Variants in MROH9 observed in about 807,000 individuals in gnomAD.
The protein encoded by MROH9 is maestro heat-like repeat-containing protein family member 9.
Under a neutral mutation model 98.2 loss-of-function variants are expected in MROH9, and 92 were observed. The ratio of observed to expected loss-of-function variants is 0.94; its 90% confidence interval spans 0.79 to 1.11. MROH9 has a LOEUF of 1.11. Ranked by LOEUF, MROH9 falls within the 50% of genes most tolerant of loss-of-function variation. MROH9 has a pLI of 0.00. For missense variants in MROH9, 1,057 were observed against 1,014.8 expected, an observed-to-expected ratio of 1.04 and a Z score of -0.57; for synonymous variants, 397 against 368.9, an observed-to-expected ratio of 1.08 and a Z score of -0.87.
chr1:171,004,610 T>C (rs1229211985), intron 15 of MROH9, among the ~76,000 whole-genome samples: 1 of 152,210 alleles, frequency 6.6e-6, no homozygotes, highest in East Asian at 1.9e-4. Context: ...TGGGGGTATC[T>C]TCCGGGTCCT....
intron 15 of MROH9, among the ~76,000 whole-genome samples, chr1:171,005,274 T>C (rs534975415): frequency 2.0e-5 from 3 of 152,256 alleles, no homozygotes; most frequent in South Asian, 2.1e-4. Flanking sequence ...TTTCACAATG[T>C]TACCCAGGTT....
chr1:170,941,555 G>A (rs1393492522), intron 1 of MROH9, among the ~76,000 whole-genome samples: 12 of 152,126 alleles, frequency 7.9e-5, no homozygotes. Context: ...AGACTATTTT[G>A]ACTGCTGCTT....
At chr1:170,943,632 T>G (rs1320967417) in intron 1 of MROH9, among the ~76,000 whole-genome samples, 3 of 151,748 alleles carry the variant, frequency 2.0e-5, no homozygotes, top group Non-Finnish European at 2.9e-5. Context: ...GAGAAAAAGG[T>G]TCATTTGATC....
intron 20 of MROH9, among the ~76,000 whole-genome samples, chr1:171,030,845 A>G (rs1652882392): frequency 2.0e-5 from 3 of 152,134 alleles, no homozygotes; most frequent in Non-Finnish European, 4.4e-5. Flanking sequence ...TATCTTTATT[A>G]ATTTTCTGTC....
intron 20 of MROH9, among the ~76,000 whole-genome samples, chr1:171,060,338 G>A (rs1046453691): frequency 5.9e-5 from 9 of 152,144 alleles, no homozygotes; most frequent in African/African-American, 1.9e-4. Context: ...TAAATATTAT[G>A]ATGATGTCAG....
intron 1 of MROH9, among the ~76,000 whole-genome samples, chr1:170,940,565 T>C (rs571739318): frequency 1.6e-4 from 24 of 152,302 alleles, no homozygotes; most frequent in African/African-American, 5.1e-4. Context: ...AAAAAGTATT[T>C]GCCAGAATAA....
chr1:171,023,540 T>C (rs1195662437), intron 17 of MROH9, among the ~76,000 whole-genome samples: 1 of 152,186 alleles, frequency 6.6e-6, no homozygotes, highest in Non-Finnish European at 1.5e-5. Context: ...AGAAACTCAT[T>C]TTTCACAGTT....
chr1:170,993,929 C>T (rs1460513893), intron 12 of MROH9, among the ~76,000 whole-genome samples: 1 of 151,972 alleles, frequency 6.6e-6, no homozygotes, highest in Non-Finnish European at 1.5e-5. Context: ...ATTATTTTCT[C>T]CAATTTGCTA....
chr1:170,978,225 T>C (rs1016079075), intron 8 of MROH9, among the ~76,000 whole-genome samples: 4 of 152,124 alleles, frequency 2.6e-5, no homozygotes, highest in Non-Finnish European at 5.9e-5. Flanking sequence ...TCAAAGGCTC[T>C]CCAGGTGGAA....
At chr1:170,981,613 G>T (rs113249684) in intron 8 of MROH9, among the ~76,000 whole-genome samples, 21 of 151,920 alleles carry the variant, frequency 1.4e-4, no homozygotes, top group African/African-American at 4.1e-4. Context: ...TGTTGGAGGT[G>T]GGGGGTGCGG....
chr1:171,022,072 G>T (rs1054788344), intron 17 of MROH9, among the ~76,000 whole-genome samples: 1 of 152,176 alleles, frequency 6.6e-6, no homozygotes, highest in Non-Finnish European at 1.5e-5. Context: ...AGTCAGAATG[G>T]TGATTATTAA....
Position 170,996,517 on chromosome 1 carries a change from G to A in MROH9, c.1348G>A (p.Asp450Asn), listed in dbSNP as rs1557890612. The A allele has an allele frequency of 7.4e-6, 12 of 1,613,264 alleles. No individual in the cohort carries two copies. Among genetic ancestry groups the A allele is most frequent in the Non-Finnish European group, 1.0e-5 (12 of 1,179,520 alleles). ...CTTTTGGGGCTTTAGGTATGCCCAG[G>A]ATGCCCTGAGAGTTCTGCTGAATTG... ...ILKDRALYAQ[D>N]ALRVLLNCSG... is the part of the protein sequence containing the mutation. Residue 450 changes from aspartate (D) to asparagine (N), a missense_variant, in exon 14 of 22, where the codon GAT becomes AAT. Physicochemically the swap from Asp to Asn is conservative, Grantham distance 23 (BLOSUM62 1). Coordinates refer to ENST00000367759, the MANE Select transcript of MROH9 (RefSeq NM_001163629.2).
chr1:171,033,829 G>T (rs1184840015), intron 20 of MROH9, among the ~76,000 whole-genome samples: 1 of 151,898 alleles, frequency 6.6e-6, no homozygotes, highest in East Asian at 1.9e-4. Context: ...TATCCCTGAA[G>T]AAGAGAAATG....
At chr1:171,009,941 A>T (rs1037369782) in intron 15 of MROH9, among the ~76,000 whole-genome samples, 3 of 151,960 alleles carry the variant, frequency 2.0e-5, no homozygotes, top group Non-Finnish European at 4.4e-5. Flanking sequence ...TTGTAACATT[A>T]TTTTTTTTCC....
chr1:171,012,711 T>A (rs185690251), intron 15 of MROH9, among the ~76,000 whole-genome samples: 1 of 151,930 alleles, frequency 6.6e-6, no homozygotes. Context: ...CACCATGTTA[T>A]CCAGGATGGT....
intron 3 of MROH9, among the ~76,000 whole-genome samples, chr1:170,951,130 C>T (rs1649538890): frequency 6.6e-6 from 1 of 152,000 alleles, no homozygotes; most frequent in South Asian, 2.1e-4. Flanking sequence ...TAGATGTATA[C>T]ACTGTTAGAG....
intron 20 of MROH9, among the ~76,000 whole-genome samples, chr1:171,061,302 A>T (rs1377625148): frequency 6.6e-6 from 1 of 152,146 alleles, no homozygotes; most frequent in Non-Finnish European, 1.5e-5. Flanking sequence ...ACTTTGGATA[A>T]CTGTTTAGCA....
At chr1:171,006,674 CT>C (rs60676361) in intron 15 of MROH9, among the ~76,000 whole-genome samples, 18,670 of 138,082 alleles carry the variant, frequency 0.14, 1,599 homozygotes, top group African/African-American at 0.26. Context: ...ATATCTTTTT[CT>C]TTTTTTTTTT....
intron 4 of MROH9, among the ~76,000 whole-genome samples, chr1:170,959,113 C>T (rs1649905277): frequency 1.3e-5 from 2 of 152,144 alleles, no homozygotes; most frequent in Non-Finnish European, 2.9e-5. Flanking sequence ...CGGTGGCTCA[C>T]ACCTCTAATC....
Sources: gnomAD v4.1 joint callset for allele counts (sites outside exome capture counted in the v4.1 genomes callset) on GRCh38, gnomAD v4.1.1 for gene constraint, MANE v1.5 for transcripts, NCBI Gene and HGNC (gene_info 2026-07-23, HGNC 2026-07-21) for gene names.